CAPN13: variants seen among roughly 807,000 people sequenced by gnomAD.
CAPN13 encodes calpain 13.
In CAPN13, 90 loss-of-function variants were observed where a neutral mutation model predicts 98.4. The ratio of observed to expected loss-of-function variants is 0.92; its 90% CI spans 0.77 to 1.09. CAPN13 has a LOEUF of 1.09. Ranked by LOEUF, CAPN13 falls within the 50% of genes least tolerant of loss-of-function variation. CAPN13 has a pLI of 0.00. For synonymous variants in CAPN13, 330 were observed against 305.5 expected, an observed-to-expected ratio of 1.08 and a Z score of -0.84; for missense variants, 887 against 841.3, an observed-to-expected ratio of 1.05 and a Z score of -0.67.
intron 1 of CAPN13, among the ~76,000 whole-genome samples, chr2:30,791,352 C>G (rs766366823): frequency 6.6e-6 from 1 of 152,238 alleles, no homozygotes; most frequent in East Asian, 1.9e-4. Context: ...ATGCCAGCAC[C>G]TAGCGCTAGG....
chr2:30,745,734 C>G lies in CAPN13; in HGVS notation c.1237G>C (p.Ala413Pro), dbSNP rs372257495. The G allele has an allele frequency of 1.9e-6, 3 of 1,595,894 alleles. No homozygotes were observed. The highest frequency in any genetic ancestry group is 1.3e-5 in the African/African-American group (1 of 74,908). Reference sequence around the variant, plus strand: ...ACGCTGAGCCATACCTGTGAGCCAGCCTGTTGGAAACAGGGAGAAAGGCAG... The same window carrying G: ...ACGCTGAGCCATACCTGTGAGCCAGGCTGTTGGAAACAGGGAGAAAGGCAG... Reference protein sequence around the residue: ...KFPLDFQVILAGSQRFREKFP... With the variant: ...KFPLDFQVILPGSQRFREKFP... The change falls in exon 12 of 23, where the codon GCT becomes CCT. Residue 413 changes from alanine (A) to proline (P), a missense_variant and splice_region_variant. Coordinates refer to ENST00000295055, the MANE Select transcript of CAPN13 (RefSeq NM_144575.3).
intron 2 of CAPN13, among the ~76,000 whole-genome samples, chr2:30,782,283 CTG>C (rs1468079159): frequency 6.6e-6 from 1 of 152,178 alleles, no homozygotes; most frequent in Non-Finnish European, 1.5e-5. Context: ...TAAGAGAGCC[CTG>C]TGTTTAGCAT....
chr2:30,794,107 CAA>C (rs1235857838), intron 1 of CAPN13, among the ~76,000 whole-genome samples: 1 of 150,004 alleles, frequency 6.7e-6, no homozygotes, highest in South Asian at 2.1e-4. Context: ...ATTAAAAAAA[CAA>C]AAATGCAAAT....
At chr2:30,745,393 C>T (rs1671855064) in intron 12 of CAPN13, 4 of 531,006 alleles carry the variant, frequency 7.5e-6, no homozygotes, top group Non-Finnish European at 1.5e-5. Context: ...AAGATCTTTC[C>T]AAGGTACCCC....
intron 8 of CAPN13, among the ~76,000 whole-genome samples, chr2:30,756,857 A>T (rs1338508754): frequency 1.3e-5 from 2 of 152,182 alleles, no homozygotes; most frequent in African/African-American, 2.4e-5. Context: ...CTAGGAATTC[A>T]CTGTGCTGTT....
chr2:30,725,786 T>G (rs1339369286), intron 22 of CAPN13, among the ~76,000 whole-genome samples: 2 of 152,178 alleles, frequency 1.3e-5, no homozygotes, highest in African/African-American at 4.8e-5. Flanking sequence ...AGAGTTGAAG[T>G]GACCAGGACA....
At chr2:30,784,630 C>T (rs1674166269) in intron 2 of CAPN13, among the ~76,000 whole-genome samples, 1 of 152,114 alleles carries the variant, frequency 6.6e-6, no homozygotes, top group Non-Finnish European at 1.5e-5. Flanking sequence ...GGCAGGAGCC[C>T]AGAATAGGAC....
intron 1 of CAPN13, among the ~76,000 whole-genome samples, chr2:30,797,289 G>T (rs369503605): frequency 6.6e-6 from 1 of 151,958 alleles, no homozygotes; most frequent in Admixed American, 6.6e-5. Context: ...TTTCCCTACC[G>T]CCAAGATTAT....
intron 22 of CAPN13, among the ~76,000 whole-genome samples, chr2:30,725,454 AC>A (rs150494932): frequency 0.018 from 2,798 of 152,292 alleles, 86 homozygotes; most frequent in African/African-American, 0.062. Flanking sequence ...TATTCTTACA[AC>A]AAAAGTATAC....
intron 11 of CAPN13, among the ~76,000 whole-genome samples, chr2:30,749,630 T>G (rs891703732): frequency 6.6e-6 from 1 of 152,210 alleles, no homozygotes; most frequent in African/African-American, 2.4e-5. Flanking sequence ...AGGTGACTTG[T>G]GTGTTTGACT....
In CAPN13 at chr2:30,734,530, A is replaced by AG; in HGVS notation, c.1723-7dup. On this transcript the variant is annotated splice_region_variant and splice_polypyrimidine_tract_variant and intron_variant, in intron 18 of 22. Transcript: ENST00000295055. ...TGAACCTTCTGGAAAACATGCTAAT[A>AG]GGGGAAGAGAAGCAAGAAGTCTGTG... The AG allele has an allele frequency of 6.2e-7, 1 of 1,611,848 alleles. No homozygotes were observed. The highest frequency in any genetic ancestry group is 8.5e-7 in the Non-Finnish European group (1 of 1,177,996).
chr2:30,799,274 T>C (rs1675046312), intron 1 of CAPN13, among the ~76,000 whole-genome samples: 1 of 152,318 alleles, frequency 6.6e-6, no homozygotes. Flanking sequence ...CATGTGAGTA[T>C]TTCTCAAAGA....
chr2:30,725,221 G>A (rs1453598625), intron 22 of CAPN13, among the ~76,000 whole-genome samples: 1 of 152,158 alleles, frequency 6.6e-6, no homozygotes, highest in African/African-American at 2.4e-5. Context: ...TTAAGTGTTA[G>A]CATTCTTTCA....
chr2:30,773,202 T>C (rs1326398755), intron 4 of CAPN13, among the ~76,000 whole-genome samples: 1 of 152,170 alleles, frequency 6.6e-6, no homozygotes, highest in Non-Finnish European at 1.5e-5. Flanking sequence ...TAACATGAGA[T>C]TTTTCTTCTG....
intron 4 of CAPN13, among the ~76,000 whole-genome samples, chr2:30,774,363 T>G (rs1049494829): frequency 6.6e-6 from 1 of 151,780 alleles, no homozygotes; most frequent in Non-Finnish European, 1.5e-5. Flanking sequence ...AAATCAAAAG[T>G]TGATTTGTCA....
At chr2:30,782,111 G>T (rs916406816) in intron 2 of CAPN13, among the ~76,000 whole-genome samples, 1 of 152,096 alleles carries the variant, frequency 6.6e-6, no homozygotes, top group African/African-American at 2.4e-5. Context: ...TAGAAAATAC[G>T]CTCTCTGATG....
In CAPN13 at chr2:30,742,369, C is replaced by T. The variant is rs1185843480; in HGVS notation, c.1446-10G>A. 6.2e-7 allele frequency: 1 copy of T among 1,603,154 alleles called. No individual in the cohort carries two copies. The highest frequency in any genetic ancestry group is 8.5e-7 in the Non-Finnish European group (1 of 1,174,834). On this transcript the variant is annotated splice_polypyrimidine_tract_variant and intron_variant, in intron 13 of 22. Coordinates refer to ENST00000295055, the MANE Select transcript of CAPN13 (RefSeq NM_144575.3). Reference sequence around the variant, plus strand: ...ATGGCTGCTCAGGTGCCTAGAAAATCAGAGGACAGTGTGACAAAGATGACC... The same window carrying T: ...ATGGCTGCTCAGGTGCCTAGAAAATTAGAGGACAGTGTGACAAAGATGACC...
At chr2:30,804,205 T>G (rs1675466794) in intron 1 of CAPN13, among the ~76,000 whole-genome samples, 2 of 152,176 alleles carry the variant, frequency 1.3e-5, no homozygotes, top group Admixed American at 6.5e-5. Flanking sequence ...GAGCCTGTTC[T>G]GTTTGTTTGT....
intron 1 of CAPN13, among the ~76,000 whole-genome samples, chr2:30,788,624 G>A (rs1674450352): frequency 6.6e-6 from 1 of 152,156 alleles, no homozygotes; most frequent in Non-Finnish European, 1.5e-5. Context: ...CAGTGGAAAA[G>A]GAAGCAGGTG....
Sources: gnomAD v4.1 joint callset for allele counts (sites outside exome capture counted in the v4.1 genomes callset) on GRCh38, gnomAD v4.1.1 for gene constraint, MANE v1.5 for transcripts, NCBI Gene and HGNC (gene_info 2026-07-23, HGNC 2026-07-21) for gene names.